Variants in DOT1L observed in about 807,000 individuals in gnomAD.
The protein encoded by DOT1L is histone-lysine N-methyltransferase, H3 lysine-79 specific.
In DOT1L, 33 loss-of-function variants were observed where a neutral mutation model predicts 153.3. The observed-to-expected ratio is 0.22, with a 90% CI of 0.16 to 0.29. The LOEUF (loss-of-function observed/expected upper bound fraction) is 0.29. DOT1L is among the 10% of genes least tolerant of loss of function. The pLI is 1.00. For synonymous variants in DOT1L, 1,135 were observed against 965.1 expected, an observed-to-expected ratio of 1.18 and a Z score of -3.26; for missense variants, 1,847 against 2,119.9, an observed-to-expected ratio of 0.87 and a Z score of 2.53.
chr19:2,171,616 G>T (rs749925007), intron 1 of DOT1L, among the ~76,000 whole-genome samples: 3 of 152,168 alleles, frequency 2.0e-5, no homozygotes, highest in African/African-American at 4.8e-5. Context: ...GGCACCGACC[G>T]CCGCCGGGTG....
At chr19:2,214,176 A>T in intron 18 of DOT1L, 190 bp downstream of exon 18, 1 of 1,060,996 alleles carries the variant, frequency 9.4e-7, no homozygotes, top group Non-Finnish European at 1.3e-6. Context: ...CCTCGGCTGG[A>T]TGGTTTCTCA....
At chr19:2,196,836 G>C (rs1208061474) in intron 7 of DOT1L, among the ~76,000 whole-genome samples, 1 of 152,214 alleles carries the variant, frequency 6.6e-6, no homozygotes, top group African/African-American at 2.4e-5. Context: ...CCCTGGCCGC[G>C]GAGCACGGTG....
At chr19:2,223,211 C>CG (rs1025298539) in intron 24 of DOT1L, 70 bp from the exon 25 acceptor site, 64 of 1,545,478 alleles carry the variant, frequency 4.1e-5, no homozygotes, top group East Asian at 1.8e-4. Context: ...CCTCCTGGGG[C>CG]GGGGGGGCTC....
chr19:2,227,659 GTGAGCCTGCGGCTGC>G, intron 27 of DOT1L: 1 of 1,260,560 alleles, frequency 7.9e-7, no homozygotes. Flanking sequence ...TTCCCTTTTT[GTGAGCCTGCGGCTGC>G]TGCTCTGCGC....
Position 2,217,837 on chromosome 19 carries a change from G to A in DOT1L, c.2610G>A (p.Pro870=), listed in dbSNP as rs373489769. 1.6e-4 allele frequency: 251 copies of A among 1,610,682 alleles called. 1 individual carries two copies. Among genetic ancestry groups the A allele is most frequent in the Non-Finnish European group, 1.8e-4 (216 of 1,179,058 alleles). The change falls in exon 22 of 28, where the codon CCG becomes CCA. Residue 870 remains proline (P), a synonymous_variant. Transcript: ENST00000398665. The surrounding 1 kb of genome is among the most constrained non-coding windows in gnomAD (Gnocchi z 7.3). ...ELITSLPISI[P]LSTVQPNKLP... Reference sequence around the variant, plus strand: ...TCACCAGCCTGCCCATCAGCATCCCGCTCAGCACCGTGCAGCCCAACAAGC... The same window carrying A: ...TCACCAGCCTGCCCATCAGCATCCCACTCAGCACCGTGCAGCCCAACAAGC...
At chr19:2,225,474 G>A in intron 26 of DOT1L, 22 bp downstream of exon 26, 1 of 1,613,528 alleles carries the variant, frequency 6.2e-7, no homozygotes, top group Non-Finnish European at 8.5e-7. Context: ...GTGTTTTGCG[G>A]CGTGGCCAGG....
intron 1 of DOT1L, among the ~76,000 whole-genome samples, chr19:2,171,573 C>G (rs1037706916): frequency 6.6e-6 from 1 of 152,216 alleles, no homozygotes; most frequent in Non-Finnish European, 1.5e-5. Context: ...CAGGAGACGC[C>G]AAGAGCTGTG....
At chr19:2,227,789 T>C in intron 27 of DOT1L, 1 of 1,313,672 alleles carries the variant, frequency 7.6e-7, no homozygotes, top group South Asian at 1.2e-5. Flanking sequence ...TTGGAGCCCG[T>C]GTCGGCCGCG....
At chr19:2,205,982 G>A (rs2023475126) in intron 9 of DOT1L, among the ~76,000 whole-genome samples, 1 of 151,486 alleles carries the variant, frequency 6.6e-6, no homozygotes, top group African/African-American at 2.4e-5. Context: ...GAGCCTGTGC[G>A]CCTGGCAGCG....
intron 7 of DOT1L, among the ~76,000 whole-genome samples, chr19:2,194,988 G>A (rs2022956215): frequency 6.6e-6 from 1 of 152,144 alleles, no homozygotes; most frequent in Non-Finnish European, 1.5e-5. Context: ...TTCATGACAA[G>A]CCAGCAACCT....
At chr19:2,228,092 A>C (rs763172952) in intron 27 of DOT1L, 1 of 1,345,722 alleles carries the variant, frequency 7.4e-7, no homozygotes, top group African/African-American at 1.5e-5. Context: ...CGCCTAACCA[A>C]GCTTTCTTGC....
intron 2 of DOT1L, among the ~76,000 whole-genome samples, chr19:2,183,106 G>A (rs573893680): frequency 6.6e-6 from 1 of 152,136 alleles, no homozygotes; most frequent in Non-Finnish European, 1.5e-5. Context: ...AAACACCGAC[G>A]ACGTTCTTAC....
At chr19:2,192,229 C>A (rs893676428) in intron 5 of DOT1L, among the ~76,000 whole-genome samples, 20 of 152,246 alleles carry the variant, frequency 1.3e-4, no homozygotes, top group Admixed American at 9.8e-4. Flanking sequence ...TGTGGCAGCT[C>A]ACGCCTGTCA....
rs1230982104 is a variant in DOT1L, at chr19:2,216,447, C to T, written c.2090C>T (p.Thr697Ile). 6 of 1,612,734 alleles carry T rather than the reference C, an allele frequency of 3.7e-6. No homozygotes were observed. The highest frequency in any genetic ancestry group is 5.1e-6 in the Non-Finnish European group (6 of 1,179,948). The change falls in exon 20 of 28, where the codon ACC (threonine) becomes ATC (isoleucine). Residue 697 changes from threonine (T) to isoleucine (I), a missense_variant. Physicochemically the swap from Thr to Ile is moderately conservative, Grantham distance 89. Transcript: ENST00000398665. ...CGGCTGCACCTGGAGCTGGACTGCA[C>T]CAAGTTCTCGCTGCCTCACTTGAGC... is the stretch of plus-strand genomic sequence containing the variant. ...ASRLHLELDC[T>I]KFSLPHLSSM... is the part of the protein sequence containing the mutation.
intron 3 of DOT1L, among the ~76,000 whole-genome samples, chr19:2,187,512 C>A (rs2022571274): frequency 6.6e-6 from 1 of 152,228 alleles, no homozygotes; most frequent in Non-Finnish European, 1.5e-5. Flanking sequence ...AGGACAGCCC[C>A]AGCTCCTCTG....
chr19:2,187,569 A>G (rs1209447172), intron 3 of DOT1L, among the ~76,000 whole-genome samples: 3 of 152,090 alleles, frequency 2.0e-5, no homozygotes, highest in African/African-American at 4.8e-5. Context: ...TCTTCCCAGG[A>G]GCGTGCAGAG....
At position 2,210,468 on chromosome 19, in the gene DOT1L, G is replaced by A. The variant is rs368769341; in HGVS notation, c.1074G>A (p.Lys358=). The part of the protein sequence containing the change: ...ESKSNAATPT[K]GPEGKVAGPA... The stretch of plus-strand genomic sequence containing the variant: ...AGAGCAACGCGGCCACGCCCACTAA[G>A]GGCCCAGAGGGCAAGGTGGCCGGCC... Residue 358 remains lysine, a synonymous_variant, in exon 13 of 28, where the codon AAG becomes AAA. Coordinates refer to ENST00000398665, the MANE Select transcript of DOT1L (RefSeq NM_032482.3). The A allele has an allele frequency of 6.7e-4, 1,059 of 1,590,658 alleles. 1 individual carries two copies. The highest frequency in any genetic ancestry group is 8.2e-4 in the Non-Finnish European group (957 of 1,171,278).
In DOT1L at chr19:2,226,896, C is replaced by T; in HGVS notation, c.4375C>T (p.Gln1459Ter). The T allele has an allele frequency of 6.3e-7, 1 of 1,578,388 alleles. No homozygotes were observed. Among genetic ancestry groups the T allele is most frequent in the Non-Finnish European group, 8.5e-7 (1 of 1,170,996 alleles). Residue 1459 changes from glutamine (Q) to a stop codon, truncating the protein, a stop_gained, in exon 27 of 28, where the codon CAG (glutamine) becomes TAG (stop). Coordinates refer to ENST00000398665, the MANE Select transcript of DOT1L (RefSeq NM_032482.3). LOFTEE classifies it high-confidence loss of function. ...SSAGGAASSA[Q>*]THRSFLGPFP... The stretch of plus-strand genomic sequence containing the variant: ...CGCAGGCGGCGCGGCGTCCTCCGCC[C>T]AGACGCACCGGTCCTTCCTGGGCCC...
At chr19:2,214,623 G>A (rs747317210) in intron 19 of DOT1L, 27 bp downstream of exon 19, 19 of 1,603,984 alleles carry the variant, frequency 1.2e-5, no homozygotes, top group Middle Eastern at 1.7e-4. Flanking sequence ...GCTGCACTCC[G>A]TGGTGTCCGA....
Sources: allele counts gnomAD v4.1 joint callset (sites outside exome capture counted in the v4.1 genomes callset), GRCh38; gene constraint gnomAD v4.1.1; non-coding constraint Gnocchi (gnomAD v3.1); transcripts MANE v1.5; gene names NCBI Gene and HGNC (gene_info 2026-07-23, HGNC 2026-07-21).